Variants in ASXL2 observed in about 807,000 individuals in gnomAD.
ASXL2 encodes the protein ASXL transcriptional regulator 2, also known as putative Polycomb group protein ASXL2.
A neutral mutation model predicts 122.0 loss-of-function variants in ASXL2; 23 were observed. That is an observed-to-expected ratio of 0.19 (90% CI 0.14 to 0.27). The LOEUF (loss-of-function observed/expected upper bound fraction) is 0.27. Among genes scored for constraint, ASXL2 ranks in the 10% least tolerant of loss-of-function variants. ASXL2 has a pLI of 1.00. For synonymous variants in ASXL2, 650 were observed against 637.0 expected, an observed-to-expected ratio of 1.02 and a Z score of -0.31; for missense variants, 1,518 against 1,713.8, an observed-to-expected ratio of 0.89 and a Z score of 2.02.
At chr2:25,829,576 C>A (rs2089425497) in intron 3 of ASXL2, among the ~76,000 whole-genome samples, 1 of 152,138 alleles carries the variant, frequency 6.6e-6, no homozygotes, top group African/African-American at 2.4e-5. Context: ...CTACTTTGAA[C>A]CAGAGTTACC....
intron 5 of ASXL2, among the ~76,000 whole-genome samples, chr2:25,777,361 C>A (rs898896116): frequency 6.6e-6 from 1 of 152,028 alleles, no homozygotes; most frequent in Non-Finnish European, 1.5e-5. Flanking sequence ...TAAACACAGG[C>A]CTGGCACATG....
Position 25,779,084 on chromosome 2 carries a change from A to ATTTTT in ASXL2, c.404-7549_404-7545dup, listed in dbSNP as rs33911748. 2.4e-3 allele frequency among the ~76,000 whole-genome samples: 240 copies of ATTTTT among 99,392 alleles called. 4 individuals carry two copies. Among genetic ancestry groups the ATTTTT allele is most frequent in the Non-Finnish European group, 3.4e-3 (176 of 51,164 alleles). 65.2% of individuals were successfully genotyped at this position (99,392 alleles called of 152,430 possible). ...ATCACAGAGCTGTCACTTTTTTCTGATTTTTTTTTTTTTTTTTTTTTTTGA... is the reference window on the plus strand; with the variant it reads ...ATCACAGAGCTGTCACTTTTTTCTGATTTTTTTTTTTTTTTTTTTTTTTTTTTTGA... On this transcript the variant is annotated intron_variant, in intron 5 of 12. Coordinates refer to ENST00000435504, the MANE Select transcript of ASXL2 (RefSeq NM_018263.6).
intron 3 of ASXL2, among the ~76,000 whole-genome samples, chr2:25,834,223 G>A (rs2089483671): frequency 6.6e-6 from 1 of 151,816 alleles, no homozygotes; most frequent in African/African-American, 2.4e-5. Context: ...GTTGGTGGCA[G>A]GCACCTGTAA....
rs746214818 is a variant in ASXL2 at position 25,799,412 on chromosome 2, C to T, written c.376G>A (p.Gly126Arg). The T allele has an allele frequency of 2.5e-6, 4 of 1,613,880 alleles. No individual in the cohort carries two copies. The Admixed American group carries it at 6.7e-5, about 27-fold the overall frequency. The change falls in exon 5 of 13, where the codon GGA becomes AGA. Residue 126 changes from glycine (G) to arginine (R), a missense_variant. Physicochemically the swap from Gly to Arg is moderately radical, Grantham distance 125 (BLOSUM62 -2). Around this residue, in one of 8 missense-constraint regions of ASXL2, gnomAD observed 198 missense variants for 209.0 expected, o/e 0.95. Coordinates refer to ENST00000435504, the MANE Select transcript of ASXL2 (RefSeq NM_018263.6). Reference sequence around the variant, plus strand: ...TTCCTTTTCCACCTGCTCTTTTTTCCCTCCTTGTTGCTGCCACCATCACTG... The same window carrying T: ...TTCCTTTTCCACCTGCTCTTTTTTCTCTCCTTGTTGCTGCCACCATCACTG... Reference protein sequence around the residue: ...SSSDGGSNKEGKKSRWKRKVS... With the variant: ...SSSDGGSNKERKKSRWKRKVS...
intron 3 of ASXL2, chr2:25,823,041 A>C (rs1410350964): frequency 1.7e-5 from 8 of 479,320 alleles, no homozygotes; most frequent in Admixed American, 5.6e-5. Flanking sequence ...GACAGCTCTA[A>C]AGGCAGATGC....
At chr2:25,778,343 G>C (rs1167258989) in intron 5 of ASXL2, among the ~76,000 whole-genome samples, 1 of 152,184 alleles carries the variant, frequency 6.6e-6, no homozygotes, top group African/African-American at 2.4e-5. Context: ...GCAGAGACTG[G>C]AGTAATGTGT....
chr2:25,848,958 A>T (rs1244198644), intron 1 of ASXL2, among the ~76,000 whole-genome samples: 1 of 148,100 alleles, frequency 6.8e-6, no homozygotes, highest in Non-Finnish European at 1.5e-5. Context: ...AGGCAGGAAA[A>T]CCGCTTGGAC....
intron 5 of ASXL2, among the ~76,000 whole-genome samples, chr2:25,788,297 A>T (rs968223056): frequency 2.0e-5 from 3 of 152,234 alleles, no homozygotes; most frequent in African/African-American, 7.2e-5. Context: ...CATATACAGG[A>T]AGACAGTTTC....
At chr2:25,772,752 A>AAAG (rs2088477633) in intron 5 of ASXL2, among the ~76,000 whole-genome samples, 1 of 150,070 alleles carries the variant, frequency 6.7e-6, no homozygotes, top group African/African-American at 2.5e-5. Flanking sequence ...AAAAAAAAAA[A>AAAG]AAAAGGTACA....
At chr2:25,860,898 G>C (rs2089837640) in intron 1 of ASXL2, among the ~76,000 whole-genome samples, 1 of 151,676 alleles carries the variant, frequency 6.6e-6, no homozygotes, top group Non-Finnish European at 1.5e-5. Flanking sequence ...TGTAGTCCCA[G>C]CTACTTGGGA....
chr2:25,807,611 A>G (rs2089102035), intron 3 of ASXL2, among the ~76,000 whole-genome samples: 1 of 151,988 alleles, frequency 6.6e-6, no homozygotes, highest in Admixed American at 6.6e-5. Context: ...AAATTTCCAG[A>G]AAAAAAATGA....
Position 25,856,437 on chromosome 2 carries a change from T to C in ASXL2, c.58-10874A>G, listed in dbSNP as rs2089778208. 3.5e-6 allele frequency: 3 copies of C among 866,446 alleles called. No homozygotes were observed. In the Admixed American group the frequency reaches 5.4e-5, roughly 16 times the overall value. The allele number at this position is 866,446 out of a possible 1,614,324, so 53.7% of individuals were successfully genotyped here. ...GTCTGGAAGACCTGGGTCTGTCCAG[T>C]GGAGTCCTGGAGTCTCCAGCTTCTC... On this transcript the variant is annotated intron_variant, in intron 1 of 12. Transcript: ENST00000435504.
chr2:25,816,504 T>G (rs191415755), intron 3 of ASXL2, among the ~76,000 whole-genome samples: 1 of 152,218 alleles, frequency 6.6e-6, no homozygotes, highest in East Asian at 1.9e-4. Flanking sequence ...ATTTGCCTGT[T>G]TGGCTGACTC....
chr2:25,827,539 C>T (rs1194431907), intron 3 of ASXL2, among the ~76,000 whole-genome samples: 1 of 152,178 alleles, frequency 6.6e-6, no homozygotes, highest in East Asian at 1.9e-4. Flanking sequence ...ATGATTGATT[C>T]ATTCGGATTA....
intron 3 of ASXL2, among the ~76,000 whole-genome samples, chr2:25,813,931 T>C (rs1409238325): frequency 6.6e-6 from 1 of 152,138 alleles, no homozygotes; most frequent in Non-Finnish European, 1.5e-5. Context: ...GCGCCTGTTG[T>C]CCCAGCTACT....
chr2:25,856,864 C>T, intron 1 of ASXL2: 1 of 796,880 alleles, frequency 1.3e-6, no homozygotes, highest in Non-Finnish European at 2.2e-6. Flanking sequence ...GTCCAAGTGG[C>T]CCAGTCATTC....
intron 5 of ASXL2, among the ~76,000 whole-genome samples, chr2:25,792,332 T>C (rs2088847957): frequency 6.6e-6 from 1 of 152,214 alleles, no homozygotes; most frequent in South Asian, 2.1e-4. Context: ...GATATTACTT[T>C]GGTTGTTATC....
At chr2:25,751,297 T>G (rs973457354) in intron 11 of ASXL2, among the ~76,000 whole-genome samples, 1 of 152,090 alleles carries the variant, frequency 6.6e-6, no homozygotes, top group Admixed American at 6.5e-5. Context: ...AAAGTAATAG[T>G]TGAAAATAGA....
intron 2 of ASXL2, 23 bp from the exon 3 acceptor site, chr2:25,835,563 GA>G (rs1406081667): frequency 1.5e-5 from 4 of 269,548 alleles, no homozygotes; most frequent in South Asian, 6.4e-5. Flanking sequence ...TGCAGTGCAG[GA>G]AAATGAAAGA....
Sources: gnomAD v4.1 joint callset for allele counts (sites outside exome capture counted in the v4.1 genomes callset) on GRCh38, gnomAD v4.1.1 for gene constraint, gnomAD v4.1.1 regional missense constraint, MANE v1.5 for transcripts, NCBI Gene and HGNC (gene_info 2026-07-23, HGNC 2026-07-21) for gene names.